The following TRAPPC8 variants were observed in gnomAD, a reference collection of about 807,000 sequenced individuals.
TRAPPC8 encodes the protein general sporulation gene 1 homolog.
Under a neutral mutation model 174.3 loss-of-function variants are expected in TRAPPC8, and 54 were observed. The ratio of observed to expected loss-of-function variants is 0.31; its 90% CI spans 0.25 to 0.39. TRAPPC8 has a LOEUF of 0.39. TRAPPC8 is among the 10% of genes least tolerant of loss of function. The pLI is 1.00. For synonymous variants in TRAPPC8, 630 were observed against 579.9 expected (o/e 1.09, Z -1.24); for missense variants, 1,531 against 1,699.1 (o/e 0.90, Z 1.74).
chr18:31,833,910 A>G (rs2032533986), intron 27 of TRAPPC8, among the ~76,000 whole-genome samples: 2 of 151,020 alleles, frequency 1.3e-5, no homozygotes, highest in Non-Finnish European at 3.0e-5. Flanking sequence ...GCTGAGGCAG[A>G]AGAATGGCAT....
At chr18:31,892,127 T>C (rs1598685970) in intron 11 of TRAPPC8, among the ~76,000 whole-genome samples, 1 of 152,224 alleles carries the variant, frequency 6.6e-6, no homozygotes, top group Non-Finnish European at 1.5e-5. Flanking sequence ...AAATTATTAA[T>C]ACAAACTAAT....
At chr18:31,845,857 G>A (rs551349457) in intron 26 of TRAPPC8, among the ~76,000 whole-genome samples, 1 of 152,246 alleles carries the variant, frequency 6.6e-6, no homozygotes, top group East Asian at 1.9e-4. Flanking sequence ...CAGGGCCATT[G>A]TTTGAATTAC....
chr18:31,916,010 T>C (rs1364016460), intron 4 of TRAPPC8, among the ~76,000 whole-genome samples: 2 of 146,314 alleles, frequency 1.4e-5, no homozygotes, highest in Non-Finnish European at 3.0e-5. Flanking sequence ...TGAGCCAAGA[T>C]CGTGCCACTG....
At chr18:31,869,108 A>G (rs529196534) in intron 16 of TRAPPC8, among the ~76,000 whole-genome samples, 10 of 152,196 alleles carry the variant, frequency 6.6e-5, no homozygotes, top group African/African-American at 2.2e-4. Flanking sequence ...GTAAGTAAAT[A>G]TATCTATTTG....
At chr18:31,910,203 C>A (rs1224561561) in intron 5 of TRAPPC8, among the ~76,000 whole-genome samples, 1 of 152,040 alleles carries the variant, frequency 6.6e-6, no homozygotes, top group Non-Finnish European at 1.5e-5. Context: ...GGAGTGAATT[C>A]TGAATATACT....
At chr18:31,848,000 G>A (rs2033499057) in intron 25 of TRAPPC8, among the ~76,000 whole-genome samples, 1 of 151,964 alleles carries the variant, frequency 6.6e-6, no homozygotes, top group African/African-American at 2.4e-5. Flanking sequence ...AGAGTCCTAT[G>A]CTTCCTGTGC....
chr18:31,929,625 C>T (rs1210530430), intron 2 of TRAPPC8, among the ~76,000 whole-genome samples: 1 of 152,044 alleles, frequency 6.6e-6, no homozygotes, highest in Non-Finnish European at 1.5e-5. Context: ...GTGATAGCAC[C>T]ACTGCACTCC....
At chr18:31,845,782 A>G (rs1033516948) in intron 26 of TRAPPC8, among the ~76,000 whole-genome samples, 1 of 151,912 alleles carries the variant, frequency 6.6e-6, no homozygotes, top group African/African-American at 2.4e-5. Context: ...ACGGTGAAAT[A>G]AAAAAAATAG....
Position 31,867,574 on chromosome 18 carries a change from A to G in TRAPPC8, c.2389-98T>C, listed in dbSNP as rs574948356. 84 of 837,882 alleles carry G rather than the reference A, an allele frequency of 1.0e-4. No individual in the cohort carries two copies. In the South Asian group the frequency reaches 1.4e-3, roughly 14 times the overall value. The allele number at this position is 837,882 out of a possible 1,614,324, so 51.9% of individuals were successfully genotyped here. A position where few individuals can be genotyped will look rare whatever the true frequency, so the allele number is the denominator to read the frequency against. On this transcript the variant is annotated intron_variant, in intron 16 of 28. Coordinates refer to ENST00000283351, the MANE Select transcript of TRAPPC8 (RefSeq NM_014939.5). Reference sequence around the variant, plus strand: ...ATACTTCAAAAAAATAACACTAATTAAAGTCTGCATTTACTTGGTTTTTAC... The same window carrying G: ...ATACTTCAAAAAAATAACACTAATTGAAGTCTGCATTTACTTGGTTTTTAC...
In TRAPPC8 at chr18:31,830,834, T is replaced by C. The variant is rs769116354; in HGVS notation, c.4229A>G (p.Lys1410Arg). 1.2e-6 allele frequency: 2 copies of C among 1,614,206 alleles called. No individual in the cohort carries two copies. The highest frequency in any genetic ancestry group is 1.1e-5 in the South Asian group (1 of 91,086). ...YNLGTPRVFAKLSDQVTVFET... is the reference protein window; with the variant it reads ...YNLGTPRVFARLSDQVTVFET... Reference sequence around the variant, plus strand: ...AAACACTGTAACTTGGTCCGATAACTTGGCAAATACCCTAGGAGTTCCAAG... The same window carrying C: ...AAACACTGTAACTTGGTCCGATAACCTGGCAAATACCCTAGGAGTTCCAAG... Residue 1410 changes from lysine to arginine, a missense_variant, in exon 29 of 29, where the codon AAG (lysine) becomes AGG (arginine). Transcript: ENST00000283351.
At chr18:31,922,427 AC>A (rs938386861) in intron 2 of TRAPPC8, among the ~76,000 whole-genome samples, 1 of 150,438 alleles carries the variant, frequency 6.6e-6, no homozygotes, top group Non-Finnish European at 1.5e-5. Context: ...CCCTGTCTCT[AC>A]AAAAAGTACA....
Position 31,857,746 on chromosome 18 carries a change from T to C in TRAPPC8, c.2982A>G (p.Ala994=), listed in dbSNP as rs1333388052. 1 of 1,614,100 alleles carries C rather than the reference T, an allele frequency of 6.2e-7. No individual in the cohort carries two copies. Among genetic ancestry groups the C allele is most frequent in the South Asian group, 1.1e-5 (1 of 91,070 alleles). ...CTACAGAAGAAGCTGATGATATGAG[T>C]GCTGTACACACAGAGGTAGCATCTG... ...VVTDATSVCT[A]LISSASSVDF... Residue 994 remains alanine (A), a synonymous_variant, in exon 20 of 29, where the codon GCA becomes GCG. Transcript: ENST00000283351.
chr18:31,885,190 T>C (rs1323983364), intron 12 of TRAPPC8, among the ~76,000 whole-genome samples: 1 of 152,194 alleles, frequency 6.6e-6, no homozygotes, highest in African/African-American at 2.4e-5. Flanking sequence ...AAATACTTTA[T>C]TGATTAAGCG....
At chr18:31,911,844 C>T (rs1026101338) in intron 5 of TRAPPC8, among the ~76,000 whole-genome samples, 3 of 148,144 alleles carry the variant, frequency 2.0e-5, no homozygotes, top group African/African-American at 5.0e-5. Flanking sequence ...GAGACCAAGG[C>T]CTGGGCGACA....
Position 31,896,621 on chromosome 18 carries a change from T to C in TRAPPC8, c.1596+1165A>G, listed in dbSNP as rs548772317. ...CCTTGGAAACACGCAAGTAGATAAA[T>C]CTTTGTTGTTGTTGTTGTTGAGACA... On this transcript the variant is annotated intron_variant, in intron 11 of 28. Coordinates refer to ENST00000283351, the MANE Select transcript of TRAPPC8 (RefSeq NM_014939.5). 2.0e-4 allele frequency among the ~76,000 whole-genome samples: 31 copies of C among 152,242 alleles called. 1 individual carries two copies. The South Asian group carries it at 6.4e-3, about 32-fold the overall frequency.
intron 6 of TRAPPC8, 70 bp downstream of exon 6, chr18:31,909,597 A>G: frequency 6.5e-7 from 1 of 1,535,288 alleles, no homozygotes; most frequent in Non-Finnish European, 8.7e-7. Context: ...TTATCTATAA[A>G]GGTTAGCATG....
intron 11 of TRAPPC8, among the ~76,000 whole-genome samples, chr18:31,894,422 T>TA (rs1382854704): frequency 1.3e-5 from 2 of 152,158 alleles, no homozygotes; most frequent in Non-Finnish European, 2.9e-5. Context: ...TACAGTGGTG[T>TA]ATTTCATACT....
rs755259709 is a variant in TRAPPC8, at chr18:31,871,104, A to G, written c.2079T>C (p.Ala693=). The G allele has an allele frequency of 7.1e-6, 11 of 1,552,568 alleles. No homozygotes were observed. The African/African-American group carries it at 1.5e-4, about 21-fold the overall frequency. The part of the protein sequence containing the change: ...RRPADGEKQA[A]THVSLDQEYD... ...ATTCTTGATCAAGACTTACATGAGT[A>G]GCTGCTTGTTTTTCACCTAAAAAAA... The change falls in exon 15 of 29, where the codon GCT becomes GCC. Residue 693 remains alanine (A), a synonymous_variant. Transcript: ENST00000283351.
chr18:31,926,050 A>G (rs577111543), intron 2 of TRAPPC8, among the ~76,000 whole-genome samples: 1 of 152,322 alleles, frequency 6.6e-6, no homozygotes, highest in South Asian at 2.1e-4. Context: ...TCAGGATGAC[A>G]GCTGTGGAGT....
Sources: gnomAD v4.1 joint callset for allele counts (sites outside exome capture counted in the v4.1 genomes callset) on GRCh38, gnomAD v4.1.1 for gene constraint, MANE v1.5 for transcripts, NCBI Gene and HGNC (gene_info 2026-07-23, HGNC 2026-07-21) for gene names.